WDFY4: variants seen among roughly 807,000 people sequenced by gnomAD.
WDFY4 encodes WD repeat- and FYVE domain-containing protein 4.
WDFY4 carries 169 observed loss-of-function variants against 351.9 expected under a neutral mutation model. That is an observed-to-expected ratio of 0.48 (90% CI 0.42 to 0.55). The LOEUF (loss-of-function observed/expected upper bound fraction) is 0.55. Ranked by LOEUF, WDFY4 falls within the 20% of genes least tolerant of loss-of-function variation. WDFY4 has a pLI of 0.00. For missense variants in WDFY4, 3,803 were observed against 3,935.6 expected (o/e 0.97, Z 0.90); for synonymous variants, 1,622 against 1,574.6 (o/e 1.03, Z -0.71).
chr10:48,888,573 G>A (rs1007455145), intron 43 of WDFY4, among the ~76,000 whole-genome samples: 2 of 151,986 alleles, frequency 1.3e-5, no homozygotes, highest in African/African-American at 4.8e-5. Flanking sequence ...ATGGCTTTCT[G>A]TTGCAACCAC....
At chr10:48,767,950 G>A (rs1443427294) in intron 13 of WDFY4, among the ~76,000 whole-genome samples, 1 of 152,182 alleles carries the variant, frequency 6.6e-6, no homozygotes, top group Admixed American at 6.5e-5. Context: ...TCCCGGGCAG[G>A]CAGGCTCTCT....
intron 20 of WDFY4, among the ~76,000 whole-genome samples, chr10:48,787,887 TCTTCTCCTTCTTCTTCTTCTTCTTC>T (rs2066490599): frequency 2.5e-5 from 2 of 78,716 alleles, no homozygotes; most frequent in African/African-American, 1.8e-4. Flanking sequence ...TCTTTCTTCT[TCTTCTCCTTCTTCTTCTTCTTCTTC>T]TTCTTCTTCT....
intron 2 of WDFY4, among the ~76,000 whole-genome samples, chr10:48,717,795 T>G (rs1232585230): frequency 6.6e-6 from 1 of 152,246 alleles, no homozygotes; most frequent in African/African-American, 2.4e-5. Context: ...AAATTATTCA[T>G]TGTCTTATCA....
intron 1 of WDFY4, among the ~76,000 whole-genome samples, chr10:48,694,917 C>T (rs1234738134): frequency 6.6e-6 from 1 of 152,190 alleles, no homozygotes; most frequent in Non-Finnish European, 1.5e-5. Context: ...ACAGCCACCA[C>T]CACCCTGCCC....
intron 38 of WDFY4, 56 bp from the exon 39 acceptor site, chr10:48,832,517 A>T (rs3747873): frequency 1.4e-6 from 2 of 1,460,764 alleles, no homozygotes; most frequent in Non-Finnish European, 1.8e-6. Context: ...AGCTAGCTAT[A>T]AAAATAGTGT....
intron 54 of WDFY4, among the ~76,000 whole-genome samples, 161 bp from the exon 55 acceptor site, chr10:48,966,365 G>A (rs114909494): frequency 0.017 from 2,642 of 152,270 alleles, 66 homozygotes; most frequent in African/African-American, 0.059. Flanking sequence ...CATCTGCAGC[G>A]TCTGAGGGCT....
At chr10:48,736,639 T>C (rs2064676856) in intron 11 of WDFY4, among the ~76,000 whole-genome samples, 1 of 152,232 alleles carries the variant, frequency 6.6e-6, no homozygotes, top group South Asian at 2.1e-4. Context: ...CTGGGGCTTA[T>C]AGTCAATTGT....
intron 28 of WDFY4, 143 bp downstream of exon 28, chr10:48,808,101 A>G: frequency 1.5e-6 from 1 of 653,018 alleles, no homozygotes; most frequent in Non-Finnish European, 2.4e-6. Flanking sequence ...AGAAAATTAT[A>G]TTCTCTCTAC....
intron 47 of WDFY4, among the ~76,000 whole-genome samples, chr10:48,940,738 C>T (rs370838053): frequency 1.1e-4 from 16 of 152,124 alleles, no homozygotes; most frequent in East Asian, 9.7e-4. Context: ...GGGGAAGAAA[C>T]GGCTGGAAAA....
chr10:48,845,251 G>A (rs764066396), intron 39 of WDFY4, among the ~76,000 whole-genome samples: 10 of 152,170 alleles, frequency 6.6e-5, no homozygotes, highest in Non-Finnish European at 1.3e-4. Context: ...CTCTATATCT[G>A]TATTTTCATC....
At chr10:48,689,761 A>G (rs2063148289) in intron 1 of WDFY4, among the ~76,000 whole-genome samples, 1 of 152,250 alleles carries the variant, frequency 6.6e-6, no homozygotes, top group Non-Finnish European at 1.5e-5. Flanking sequence ...TGAACCAAAT[A>G]ATTCCAAGGA....
At chr10:48,803,415 A>T (rs11101505) in intron 25 of WDFY4, 56 bp downstream of exon 25, 82,254 of 1,525,924 alleles carry the variant, frequency 0.054, 2,461 homozygotes, top group Middle Eastern at 0.069. Flanking sequence ...TGTCCAGAAC[A>T]GAGACAGGGC....
Position 48,806,108 on chromosome 10 carries a change from T to C in WDFY4, c.4738+13T>C, listed in dbSNP as rs1293028344. 1.3e-6 allele frequency: 2 copies of C among 1,551,326 alleles called. No individual in the cohort carries two copies. The highest frequency in any genetic ancestry group is 1.7e-6 in the Non-Finnish European group (2 of 1,146,842). ...CCTTCCCTGCCTGGTGAGAAGACCTTTGCCAGTTCGAAGGCAGTAGGACGG... is the reference window on the plus strand; with the variant it reads ...CCTTCCCTGCCTGGTGAGAAGACCTCTGCCAGTTCGAAGGCAGTAGGACGG... On this transcript the variant is annotated intron_variant, in intron 27 of 61. Transcript: ENST00000325239.
intron 39 of WDFY4, among the ~76,000 whole-genome samples, chr10:48,857,442 T>G (rs2069174276): frequency 6.6e-6 from 1 of 152,120 alleles, no homozygotes; most frequent in South Asian, 2.1e-4. Flanking sequence ...TTAGTTTTGT[T>G]TACTATTGCT....
At chr10:48,838,458 C>G (rs532450872) in intron 39 of WDFY4, among the ~76,000 whole-genome samples, 156 of 152,242 alleles carry the variant, frequency 1.0e-3, no homozygotes, top group African/African-American at 3.5e-3. Flanking sequence ...CTGACTGAGG[C>G]CAGTAACTCA....
intron 35 of WDFY4, chr10:48,823,217 A>G (rs1216276088): frequency 7.7e-7 from 1 of 1,303,360 alleles, no homozygotes. Context: ...ACTTTTCCTG[A>G]CAAGCCTCCA....
In WDFY4 at chr10:48,743,323, T is replaced by C. The variant is rs2064912455; in HGVS notation, c.2234T>C (p.Leu745Ser). Residue 745 changes from leucine (L) to serine (S), a missense_variant, in exon 12 of 62, where the codon TTG (leucine) becomes TCG (serine). Physicochemically the swap from Leu to Ser is moderately radical, Grantham distance 145 (BLOSUM62 -2). Transcript: ENST00000325239. Reference protein sequence around the residue: ...VDTKARPFADLLGTAFSSSGS... With the variant: ...VDTKARPFADSLGTAFSSSGS... Reference sequence around the variant, plus strand: ...ACAAAGGCCAGGCCATTTGCAGATTTGCTGGGCACTGCCTTTTCCTCCAGC... The same window carrying C: ...ACAAAGGCCAGGCCATTTGCAGATTCGCTGGGCACTGCCTTTTCCTCCAGC... 1 of 1,551,500 alleles carries C rather than the reference T, an allele frequency of 6.4e-7. No individual in the cohort carries two copies. Among genetic ancestry groups the C allele is most frequent in the Admixed American group, 2.0e-5 (1 of 50,984 alleles).
chr10:48,825,617 G>A (rs370390515), intron 35 of WDFY4, among the ~76,000 whole-genome samples: 7 of 152,116 alleles, frequency 4.6e-5, no homozygotes, highest in African/African-American at 1.7e-4. Flanking sequence ...CACCCCATCT[G>A]TTGTTTCTTG....
intron 5 of WDFY4, 51 bp downstream of exon 5, chr10:48,723,618 G>T (rs977462687): frequency 1.3e-6 from 2 of 1,547,800 alleles, no homozygotes; most frequent in South Asian, 1.2e-5. Context: ...TCACTTCGGG[G>T]ACAGACTCTC....
Sources: allele counts gnomAD v4.1 joint callset (sites outside exome capture counted in the v4.1 genomes callset), GRCh38; gene constraint gnomAD v4.1.1; transcripts MANE v1.5; gene names NCBI Gene and HGNC (gene_info 2026-07-23, HGNC 2026-07-21).